Variants in CDS1 observed in about 807,000 individuals in gnomAD.
CDS1 encodes the protein CDP-diacylglycerol synthase 1.
A neutral mutation model predicts 62.1 loss-of-function variants in CDS1; 41 were observed. The ratio of observed to expected loss-of-function variants is 0.66; its 90% CI spans 0.51 to 0.86. CDS1 has a LOEUF of 0.86. CDS1 is among the 40% of genes least tolerant of loss of function. The pLI is 0.00. For synonymous variants in CDS1, 185 were observed against 192.6 expected (o/e 0.96, Z 0.32); for missense variants, 470 against 550.1 (o/e 0.85, Z 1.46).
At chr4:84,603,244 A>AGGATTATTTCAGGCTT (rs1411067993) in intron 1 of CDS1, among the ~76,000 whole-genome samples, 3 of 152,174 alleles carry the variant, frequency 2.0e-5, no homozygotes, top group African/African-American at 7.2e-5. Context: ...TTTTATTCCT[A>AGGATTATTTCAGGCTT]GGATTATTTC....
At chr4:84,630,317 C>T (rs1400515097) in intron 5 of CDS1, among the ~76,000 whole-genome samples, 1 of 152,136 alleles carries the variant, frequency 6.6e-6, no homozygotes, top group Non-Finnish European at 1.5e-5. Flanking sequence ...TGTGCCTCCA[C>T]TCAGAAAATG....
At chr4:84,618,606 G>A (rs1397634058) in intron 4 of CDS1, among the ~76,000 whole-genome samples, 1 of 152,182 alleles carries the variant, frequency 6.6e-6, no homozygotes, top group Admixed American at 6.5e-5. Context: ...TGGGACAGAT[G>A]TACTTATACT....
intron 2 of CDS1, among the ~76,000 whole-genome samples, chr4:84,608,676 G>T (rs866347546): frequency 2.0e-5 from 3 of 151,906 alleles, no homozygotes; most frequent in Non-Finnish European, 4.4e-5. Flanking sequence ...ATTCTCATTG[G>T]CAGTCCATGC....
chr4:84,612,172 TC>T (rs1723345410), intron 3 of CDS1, among the ~76,000 whole-genome samples: 1 of 151,688 alleles, frequency 6.6e-6, no homozygotes, highest in Non-Finnish European at 1.5e-5. Context: ...AGGTGCTTTT[TC>T]CTTGAGCACA....
In CDS1 at chr4:84,601,212, G is replaced by GAAAGACAA. The variant is rs1167649472; in HGVS notation, c.118-3029_118-3022dup. Among the ~76,000 whole-genome samples the GAAAGACAA allele has an allele frequency of 2.1e-5, 3 of 145,492 alleles. No homozygotes were observed. The East Asian group carries it at 6.1e-4, about 30-fold the overall frequency. On this transcript the variant is annotated intron_variant, in intron 1 of 12. Transcript: ENST00000295887. ...AGAGCAAAAGAAAAAGACATGGAGG[G>GAAAGACAA]AAAGACAAATGACAGACTTGGTGCC...
At chr4:84,616,829 A>G (rs1224224156) in intron 3 of CDS1, among the ~76,000 whole-genome samples, 1 of 152,256 alleles carries the variant, frequency 6.6e-6, no homozygotes, top group Non-Finnish European at 1.5e-5. Context: ...GAAGGACTAC[A>G]AAATAGAACA....
intron 1 of CDS1, among the ~76,000 whole-genome samples, chr4:84,587,440 G>A (rs532729485): frequency 2.6e-5 from 4 of 152,244 alleles, no homozygotes; most frequent in African/African-American, 9.6e-5. Flanking sequence ...TAATAGCTGA[G>A]AATAAGAAAA....
intron 10 of CDS1, among the ~76,000 whole-genome samples, chr4:84,642,210 A>G (rs929279977): frequency 6.6e-6 from 1 of 152,016 alleles, no homozygotes; most frequent in Non-Finnish European, 1.5e-5. Flanking sequence ...CTGTAATTCC[A>G]GCTACTTTGG....
At chr4:84,629,385 G>C (rs1315478458) in intron 5 of CDS1, among the ~76,000 whole-genome samples, 2 of 151,312 alleles carry the variant, frequency 1.3e-5, no homozygotes, top group Admixed American at 6.6e-5. Flanking sequence ...ACAATGGATG[G>C]TTGTGTCTTT....
At chr4:84,598,404 T>A (rs1722823181) in intron 1 of CDS1, among the ~76,000 whole-genome samples, 1 of 150,916 alleles carries the variant, frequency 6.6e-6, no homozygotes, top group Non-Finnish European at 1.5e-5. Context: ...ACTTTTTTTC[T>A]TTTTCTTTTT....
chr4:84,627,586 T>C (rs1723900037), intron 5 of CDS1, among the ~76,000 whole-genome samples: 1 of 152,184 alleles, frequency 6.6e-6, no homozygotes, highest in Non-Finnish European at 1.5e-5. Flanking sequence ...TATCCAACTA[T>C]AGTGATGTGC....
chr4:84,646,436 A>G (rs1399710708), intron 12 of CDS1, among the ~76,000 whole-genome samples: 1 of 152,048 alleles, frequency 6.6e-6, no homozygotes, highest in Non-Finnish European at 1.5e-5. Flanking sequence ...CTTCTTATCT[A>G]ATTTATCCAT....
In CDS1 at chr4:84,643,021, T is replaced by G. The variant is rs1344760811; in HGVS notation, c.1033-3T>G. ...CTCTCCTCCCCTTCTTTCTCCTCTT[T>G]AGGAAAGAGTGAGCTTGTACCCTTT... On this transcript the variant is annotated splice_polypyrimidine_tract_variant and splice_region_variant and intron_variant, in intron 10 of 12. Transcript: ENST00000295887. The G allele has an allele frequency of 3.1e-6, 5 of 1,590,328 alleles. No individual in the cohort carries two copies. In the Admixed American group the frequency reaches 8.4e-5, roughly 27 times the overall value.
At chr4:84,644,964 A>C (rs935144390) in intron 11 of CDS1, among the ~76,000 whole-genome samples, 1 of 152,244 alleles carries the variant, frequency 6.6e-6, no homozygotes, top group African/African-American at 2.4e-5. Flanking sequence ...AACGAAAAAA[A>C]GTAAGTGCTA....
intron 5 of CDS1, among the ~76,000 whole-genome samples, chr4:84,623,495 A>T (rs557501090): frequency 6.6e-6 from 1 of 152,154 alleles, no homozygotes; most frequent in Admixed American, 6.5e-5. Flanking sequence ...TCTCAGGCCT[A>T]CTAACAGTTT....
At chr4:84,618,294 CA>C (rs1453695425) in intron 4 of CDS1, among the ~76,000 whole-genome samples, 3 of 152,024 alleles carry the variant, frequency 2.0e-5, no homozygotes, top group African/African-American at 4.8e-5. Context: ...TTAGAATAGT[CA>C]AAAAGAAGTG....
intron 1 of CDS1, among the ~76,000 whole-genome samples, chr4:84,603,696 A>G (rs1723006227): frequency 1.3e-5 from 2 of 152,194 alleles, no homozygotes; most frequent in South Asian, 2.1e-4. Flanking sequence ...TCTCATCACC[A>G]AATGCTGTTG....
chr4:84,595,979 A>C (rs1195748014), intron 1 of CDS1, among the ~76,000 whole-genome samples: 1 of 152,212 alleles, frequency 6.6e-6, no homozygotes, highest in Non-Finnish European at 1.5e-5. Context: ...CCTTAAAATT[A>C]AGTAAGATTT....
intron 10 of CDS1, among the ~76,000 whole-genome samples, chr4:84,641,900 C>T (rs894532683): frequency 2.6e-5 from 4 of 152,224 alleles, no homozygotes; most frequent in Non-Finnish European, 5.9e-5. Context: ...AATTATTTCT[C>T]TCTGAGTGCT....
Sources: gnomAD v4.1 joint callset for allele counts (sites outside exome capture counted in the v4.1 genomes callset) on GRCh38, gnomAD v4.1.1 for gene constraint, MANE v1.5 for transcripts, NCBI Gene and HGNC (gene_info 2026-07-23, HGNC 2026-07-21) for gene names.